The following ADGRD2 variants were observed in gnomAD, a reference collection of about 807,000 sequenced individuals.
The protein encoded by ADGRD2 is G protein-coupled receptor PGR24.
A neutral mutation model predicts 44.4 loss-of-function variants in ADGRD2; 71 were observed. The observed-to-expected ratio is 1.60, with a 90% CI of 1.32 to 1.95. The LOEUF (loss-of-function observed/expected upper bound fraction) is 1.95, where lower values mean the gene tolerates loss of function less well. ADGRD2 is among the 30% of genes most tolerant of loss of function. The pLI is 0.00. For missense variants in ADGRD2, 1,039 were observed against 512.4 expected (o/e 2.03, Z -9.92); for synonymous variants, 481 against 224.8 (o/e 2.14, Z -10.19).
chr9:124,461,510 T>G (rs1440894616), intron 10 of ADGRD2, among the ~76,000 whole-genome samples: 2 of 152,362 alleles, frequency 1.3e-5, no homozygotes, highest in South Asian at 4.1e-4. Flanking sequence ...GACAACCAGT[T>G]CCAATACTAT....
At chr9:124,451,464 C>T (rs987306557), upstream of ADGRD2, 9 of 350,420 alleles carry the variant, frequency 2.6e-5, no homozygotes, top group African/African-American at 1.9e-4. Context: ...AGGTGGGCCA[C>T]CCCATCCTGG....
rs1350002002 is a variant in ADGRD2, at chr9:124,466,261, C to A, written c.1876C>A (p.Pro626Thr). The A allele has an allele frequency of 4.5e-6, 3 of 665,090 alleles. No individual in the cohort carries two copies. The African/African-American group carries it at 5.4e-5, about 12-fold the overall frequency. 41.2% of individuals were successfully genotyped at this position (665,090 alleles called of 1,614,324 possible). A position where few individuals can be genotyped will look rare whatever the true frequency, so the allele number is the denominator to read the frequency against. ...CCCTTGTCCACCTTATCTCAAGAGC[C>A]CCCTGTTCCCTCCCCATCCCCCAAG... Residue 626 changes from proline to threonine, a missense_variant, in exon 11 of 22, where the codon CCC (proline) becomes ACC (threonine). By Grantham distance (38) the Pro-to-Thr change is conservative. Transcript: ENST00000334810.
chr9:124,459,263 G>A (rs1006651302), intron 10 of ADGRD2, among the ~76,000 whole-genome samples: 7 of 152,154 alleles, frequency 4.6e-5, no homozygotes, highest in Admixed American at 6.5e-5. Context: ...AGGCCGAGGC[G>A]GGCGGATCAC....
Position 124,453,993 on chromosome 9 carries a change from T to A in ADGRD2, c.924-6T>A, listed in dbSNP as rs919713556. Reference sequence around the variant, plus strand: ...GGAGCCCTGACAGCTCCCCTGCCCCTGCCAGTGCCCTCCGAGGAGTGCCCT... The same window carrying A: ...GGAGCCCTGACAGCTCCCCTGCCCCAGCCAGTGCCCTCCGAGGAGTGCCCT... On this transcript the variant is annotated splice_region_variant and splice_polypyrimidine_tract_variant and intron_variant, in intron 3 of 21. Coordinates refer to ENST00000334810, the Ensembl canonical transcript of ADGRD2. 2.3e-5 allele frequency: 16 copies of A among 682,408 alleles called. No homozygotes were observed. The highest frequency in any genetic ancestry group is 2.7e-5 in the Non-Finnish European group (10 of 370,586). The allele number at this position is 682,408 out of a possible 1,614,324, so 42.3% of individuals were successfully genotyped here.
upstream of ADGRD2, among the ~76,000 whole-genome samples, chr9:124,450,702 G>T (rs1831451142): frequency 6.6e-6 from 1 of 152,222 alleles, no homozygotes; most frequent in South Asian, 2.1e-4. Flanking sequence ...GCGAATCCAG[G>T]CAGACGTGAA....
chr9:124,467,370 A>T, intron 11 of ADGRD2: 4 of 184,270 alleles, frequency 2.2e-5, no homozygotes, highest in Non-Finnish European at 4.4e-5. Context: ...AAAAAGTCAG[A>T]GCGTGGACAC....
At chr9:124,467,970 G>A (rs1831860505) in intron 12 of ADGRD2, 118 bp from the exon 16 acceptor site, 11 of 704,712 alleles carry the variant, frequency 1.6e-5, no homozygotes, top group Middle Eastern at 4.7e-4. Flanking sequence ...GGTCCCCTGT[G>A]GAGCTGCTCT....
chr9:124,450,839 C>T (rs1231323997), upstream of ADGRD2, among the ~76,000 whole-genome samples: 1 of 152,220 alleles, frequency 6.6e-6, no homozygotes, highest in Non-Finnish European at 1.5e-5. Context: ...GGCTCAGATG[C>T]CGTCACCAGG....
chr9:124,468,727 C>A (rs959092388), intron 14 of ADGRD2, 55 bp downstream of exon 17: 2 of 665,120 alleles, frequency 3.0e-6, no homozygotes, highest in Non-Finnish European at 5.5e-6. Flanking sequence ...CTTGCACGGC[C>A]GACCCTGCCA....
Position 124,457,772 on chromosome 9 carries a change from CCACA to C in ADGRD2, c.1640+167_1640+170del, listed in dbSNP as rs1831645922. ...TGGCTTATGAGGTTAAAAGCACCCA[CCACA>C]GAGTGGTGTTCACTTACTCTCCTCC... On this transcript the variant is annotated intron_variant, in intron 8 of 21. Coordinates refer to ENST00000334810, the Ensembl canonical transcript of ADGRD2. 2.0e-5 allele frequency among the ~76,000 whole-genome samples: 3 copies of C among 152,224 alleles called. No homozygotes were observed. In the South Asian group the frequency reaches 6.2e-4, roughly 31 times the overall value.
chr9:124,477,846 A>C (rs1832076945), intron 21 of ADGRD2, among the ~76,000 whole-genome samples: 2 of 145,552 alleles, frequency 1.4e-5, no homozygotes, highest in Non-Finnish European at 3.0e-5. Context: ...CTGCAGGAAC[A>C]AGAGAGCGGC....
At chr9:124,472,671 T>A (rs1460740600) in intron 17 of ADGRD2, among the ~76,000 whole-genome samples, 1 of 152,008 alleles carries the variant, frequency 6.6e-6, no homozygotes, top group African/African-American at 2.4e-5. Flanking sequence ...CACGCCTGGA[T>A]AATTTTCTTA....
chr9:124,452,673 G>A (rs755985872), exon 2 of ADGRD2: 10 of 717,110 alleles, frequency 1.4e-5, no homozygotes, highest in African/African-American at 1.2e-4. Flanking sequence ...TGCGCGATCC[G>A]GTCTGGGTGG....
chr9:124,455,963 TG>T (rs1267834159), intron 6 of ADGRD2, among the ~76,000 whole-genome samples: 4 of 152,064 alleles, frequency 2.6e-5, no homozygotes, highest in Non-Finnish European at 4.4e-5. Flanking sequence ...GACTAGGACA[TG>T]GGGGTAGGGG....
chr9:124,464,639 G>A (rs1461595508), intron 10 of ADGRD2, among the ~76,000 whole-genome samples: 1 of 152,180 alleles, frequency 6.6e-6, no homozygotes, highest in South Asian at 2.1e-4. Context: ...ACTGGGGCTC[G>A]TACCACTGGC....
At chr9:124,460,556 C>A (rs926880125) in intron 10 of ADGRD2, among the ~76,000 whole-genome samples, 6 of 150,514 alleles carry the variant, frequency 4.0e-5, no homozygotes, top group African/African-American at 1.5e-4. Context: ...TAAATGGAAT[C>A]ATCTAGTATG....
exon 3 of ADGRD2, chr9:124,453,300 C>A (rs1212305769): frequency 8.3e-6 from 4 of 484,538 alleles, no homozygotes; most frequent in African/African-American, 2.1e-5. Flanking sequence ...TCCTCGCAGC[C>A]TTCCGCGCCG....
intron 10 of ADGRD2, among the ~76,000 whole-genome samples, chr9:124,461,631 G>C (rs915025526): frequency 5.3e-5 from 8 of 151,534 alleles, no homozygotes; most frequent in African/African-American, 1.5e-4. Flanking sequence ...CTGTTCTAGT[G>C]ATTTATATGC....
intron 11 of ADGRD2, 35 bp from the exon 15 acceptor site, chr9:124,467,686 T>G (rs1420653307): frequency 1.4e-6 from 1 of 717,212 alleles, no homozygotes; most frequent in East Asian, 2.7e-5. Flanking sequence ...TGGGTCTGGG[T>G]GGTGCCAGGG....
Sources: allele counts gnomAD v4.1 joint callset (sites outside exome capture counted in the v4.1 genomes callset), GRCh38; gene constraint gnomAD v4.1.1; transcripts MANE v1.5; gene names NCBI Gene and HGNC (gene_info 2026-07-23, HGNC 2026-07-21).